The following CFAP46 variants were observed in gnomAD, a reference collection of about 807,000 sequenced individuals.
CFAP46 encodes cilia and flagella associated protein 46.
Under a neutral mutation model 325.7 loss-of-function variants are expected in CFAP46, and 245 were observed. The observed-to-expected ratio is 0.75, with a 90% confidence interval of 0.68 to 0.84. The LOEUF (loss-of-function observed/expected upper bound fraction) is 0.84. Ranked by LOEUF, CFAP46 falls within the 40% of genes least tolerant of loss-of-function variation. The pLI is 0.00. For missense variants in CFAP46, 3,346 were observed against 3,543.0 expected, an observed-to-expected ratio of 0.94 and a Z score of 1.41; for synonymous variants, 1,523 against 1,495.9, an observed-to-expected ratio of 1.02 and a Z score of -0.42.
At chr10:132,897,229 A>G (rs75527485) in intron 24 of CFAP46, among the ~76,000 whole-genome samples, 2,513 of 152,382 alleles carry the variant, frequency 0.016, 41 homozygotes, top group Non-Finnish European at 0.025. Flanking sequence ...CCAAAGACAC[A>G]GGCAACAAAA....
chr10:132,821,672 G>A (rs1355051241), intron 50 of CFAP46, among the ~76,000 whole-genome samples: 1 of 141,390 alleles, frequency 7.1e-6, no homozygotes, highest in Non-Finnish European at 1.5e-5. Context: ...TGTGTGTGCT[G>A]TGTGTGCTGA....
At chr10:132,895,823 C>T (rs118168422) in intron 24 of CFAP46, among the ~76,000 whole-genome samples, 4 of 152,308 alleles carry the variant, frequency 2.6e-5, no homozygotes, top group Middle Eastern at 6.8e-3. Flanking sequence ...GATAAGGTCA[C>T]GAGAGTGGGG....
chr10:132,915,313 G>C (rs144640003), intron 17 of CFAP46, among the ~76,000 whole-genome samples: 1 of 152,224 alleles, frequency 6.6e-6, no homozygotes, highest in Non-Finnish European at 1.5e-5. Context: ...CTGAAATGAC[G>C]GGGCTGTGAG....
chr10:132,892,306 T>C (rs1591076565), intron 25 of CFAP46, 27 bp downstream of exon 25: 1 of 1,546,792 alleles, frequency 6.5e-7, no homozygotes, highest in Non-Finnish European at 8.7e-7. Flanking sequence ...ACCTGGAGCC[T>C]GTGGGTCTGT....
At chr10:132,928,696 G>A (rs1779218058) in intron 9 of CFAP46, among the ~76,000 whole-genome samples, 1 of 152,206 alleles carries the variant, frequency 6.6e-6, no homozygotes, top group African/African-American at 2.4e-5. Context: ...GCATGTGGCT[G>A]TGCATCCGAG....
Position 132,912,661 on chromosome 10 carries a change from C to T in CFAP46, c.2493G>A (p.Ala831=), listed in dbSNP as rs201445318. 653 of 1,547,412 alleles carry T rather than the reference C, an allele frequency of 4.2e-4. 12 individuals carry two copies. In the South Asian group the frequency reaches 4.8e-3, roughly 11 times the overall value. Residue 831 remains alanine (A), a synonymous_variant, in exon 19 of 58, where the codon GCG becomes GCA. Coordinates refer to ENST00000368586, the MANE Select transcript of CFAP46 (RefSeq NM_001200049.3). The part of the protein sequence containing the change: ...DAGATSEIKT[A]VEVCEFALNL... ...GGCATCATGGAGGTGGTACCTCCACCGCTGTTTTGATCTCGGAAGTGGCTC... is the reference window on the plus strand; with the variant it reads ...GGCATCATGGAGGTGGTACCTCCACTGCTGTTTTGATCTCGGAAGTGGCTC...
At chr10:132,912,242 TTTC>T (rs1849552996) in intron 19 of CFAP46, among the ~76,000 whole-genome samples, 1 of 94,724 alleles carries the variant, frequency 1.1e-5, no homozygotes, top group African/African-American at 3.5e-5. Context: ...TCCTGTCCTC[TTTC>T]CTCTCTCTCT....
At position 132,822,557 on chromosome 10, in the gene CFAP46, C is replaced by T. The variant is rs61728631; in HGVS notation, c.7118-7643G>A. On this transcript the variant is annotated intron_variant, in intron 50 of 57. Coordinates refer to ENST00000368586, the MANE Select transcript of CFAP46 (RefSeq NM_001200049.3). Reference sequence around the variant, plus strand: ...TGTGTGCTGACGTGTGCTGTGTGTGCGCTGATGTGTGCTGTGTGTGTGCTG... The same window carrying T: ...TGTGTGCTGACGTGTGCTGTGTGTGTGCTGATGTGTGCTGTGTGTGTGCTG... Among the ~76,000 whole-genome samples, 166 of 89,496 alleles carry T rather than the reference C, an allele frequency of 1.9e-3. No individual in the cohort carries two copies. In the South Asian group the frequency reaches 0.019, roughly 10 times the overall value. 58.7% of individuals were successfully genotyped at this position (89,496 alleles called of 152,430 possible).
At position 132,808,600 on chromosome 10, in the gene CFAP46, G is replaced by A. The variant is rs148457914; in HGVS notation, c.7969C>T (p.Arg2657Cys). 2.0e-3 allele frequency: 3,209 copies of A among 1,612,436 alleles called. 8 individuals are homozygous for A. Among genetic ancestry groups the A allele is most frequent in the Middle Eastern group, 3.0e-3 (18 of 6,058 alleles). Residue 2657 changes from arginine (R) to cysteine (C), a missense_variant, in exon 58 of 58, where the codon CGC becomes TGC. Coordinates refer to ENST00000368586, the MANE Select transcript of CFAP46 (RefSeq NM_001200049.3). This position sits in a 1 kb window ranked among gnomAD's most constrained non-coding sequence, Gnocchi z 6.8. Reference protein sequence around the residue: ...SARDPPPATSRKAAAWTSSSA... With the variant: ...SARDPPPATSCKAAAWTSSSA... ...CTCGAGGTCCAGGCGGCTGCCTTGCGGGAAGTCGCTGGGGGAGGGTCCCTG... is the reference window on the plus strand; with the variant it reads ...CTCGAGGTCCAGGCGGCTGCCTTGCAGGAAGTCGCTGGGGGAGGGTCCCTG...
chr10:132,854,645 G>T (rs945759399), intron 39 of CFAP46, among the ~76,000 whole-genome samples: 1 of 151,474 alleles, frequency 6.6e-6, no homozygotes, highest in Non-Finnish European at 1.5e-5. Context: ...CCAGCTTTCT[G>T]GTTTTTTTTA....
Position 132,851,362 on chromosome 10 carries a change from C to T in CFAP46, c.5575-57G>A, listed in dbSNP as rs1003940640. 217 of 1,545,120 alleles carry T rather than the reference C, an allele frequency of 1.4e-4. 3 individuals are homozygous for T. The Middle Eastern group carries it at 4.1e-3, about 29-fold the overall frequency. On this transcript the variant is annotated intron_variant, in intron 39 of 57. Coordinates refer to ENST00000368586, the MANE Select transcript of CFAP46 (RefSeq NM_001200049.3). ...GAAGCTTCTGGTAAGCCTGAATCTA[C>T]ATCCCCACAACTTGGATGAGGCATA...
chr10:132,927,250 C>T (rs1354090284), intron 9 of CFAP46, among the ~76,000 whole-genome samples: 1 of 152,246 alleles, frequency 6.6e-6, no homozygotes, highest in African/African-American at 2.4e-5. Flanking sequence ...AGTCTGTGAG[C>T]GCAGGCGCTG....
At chr10:132,866,927 G>A (rs970827487) in intron 34 of CFAP46, among the ~76,000 whole-genome samples, 37 of 152,222 alleles carry the variant, frequency 2.4e-4, no homozygotes, top group Non-Finnish European at 4.7e-4. Context: ...GGGACCTCCA[G>A]GCGGAGCTCC....
intron 4 of CFAP46, 105 bp from the exon 5 acceptor site, chr10:132,938,858 C>T: frequency 9.8e-7 from 1 of 1,019,264 alleles, no homozygotes. Context: ...CAGGAGGGGC[C>T]TCAGGTCCTC....
At chr10:132,838,674 G>A (rs1014440867) in intron 44 of CFAP46, among the ~76,000 whole-genome samples, 4 of 152,260 alleles carry the variant, frequency 2.6e-5, no homozygotes, top group African/African-American at 4.8e-5. Flanking sequence ...GTGGCTTCCC[G>A]TCAATGGGGG....
At chr10:132,887,718 TCTCTCTCTCCTCTCCC>T (rs1849178219) in intron 25 of CFAP46, among the ~76,000 whole-genome samples, 1 of 92,766 alleles carries the variant, frequency 1.1e-5, no homozygotes, top group African/African-American at 4.3e-5. Flanking sequence ...TCTCCGCTCC[TCTCTCTCTCCTCTCCC>T]CTCTTCTCTC....
Position 132,884,652 on chromosome 10 carries a change from G to C in CFAP46, c.3627+451C>G, listed in dbSNP as rs949782360. On this transcript the variant is annotated intron_variant, in intron 27 of 57. Transcript: ENST00000368586. This position sits in a 1 kb window ranked among gnomAD's most constrained non-coding sequence, Gnocchi z 5.4. ...GGAACGTCCATCTCGCCTTCCTGGG[G>C]GTGGGGAAGAGACGCCAACATCCCC... Among the ~76,000 whole-genome samples the C allele has an allele frequency of 1.4e-4, 22 of 152,112 alleles. No homozygotes were observed. Among genetic ancestry groups the C allele is most frequent in the Non-Finnish European group, 2.1e-4 (14 of 67,996 alleles).
At chr10:132,818,594 T>C (rs893946237) in intron 50 of CFAP46, among the ~76,000 whole-genome samples, 35 of 152,156 alleles carry the variant, frequency 2.3e-4, no homozygotes, top group African/African-American at 8.2e-4. Flanking sequence ...GGTTCATGCC[T>C]GTAATCCCAG....
rs1259780833 is a variant in CFAP46, at chr10:132,869,643, G to A, written c.4512-271C>T. ...TCCTGGACGCCGTCCGAGGAGAAGA[G>A]GAGGCCCTCAGGTGGGCTCAGCACC... On this transcript the variant is annotated intron_variant, in intron 32 of 57. Transcript: ENST00000368586. This position sits in a 1 kb window ranked among gnomAD's most constrained non-coding sequence, Gnocchi z 6.2. Among the ~76,000 whole-genome samples the A allele has an allele frequency of 6.6e-6, 1 of 152,176 alleles. No individual in the cohort carries two copies. The highest frequency in any genetic ancestry group is 1.5e-5 in the Non-Finnish European group (1 of 68,034).
Sources: gnomAD v4.1 joint callset for allele counts (sites outside exome capture counted in the v4.1 genomes callset) on GRCh38, gnomAD v4.1.1 for gene constraint, Gnocchi (gnomAD v3.1) non-coding constraint, MANE v1.5 for transcripts, NCBI Gene and HGNC (gene_info 2026-07-23, HGNC 2026-07-21) for gene names.